The following TLN2 variants were observed in gnomAD, a reference collection of about 807,000 sequenced individuals.
TLN2 encodes talin 2.
TLN2 carries 118 observed loss-of-function variants against 294.7 expected under a neutral mutation model. The observed-to-expected ratio is 0.40, with a 90% CI of 0.34 to 0.47. The LOEUF (loss-of-function observed/expected upper bound fraction) is 0.47. Ranked by LOEUF, TLN2 falls within the 20% of genes least tolerant of loss-of-function variation. The probability of loss-of-function intolerance (pLI) is 0.84; values close to 1 mark genes in which losing one functional copy is unlikely to be tolerated. For synonymous variants in TLN2, 1,431 were observed against 1,304.5 expected, an observed-to-expected ratio of 1.10 and a Z score of -2.09; for missense variants, 3,083 against 3,282.2, an observed-to-expected ratio of 0.94 and a Z score of 1.48.
At chr15:62,486,777 C>T (rs1372013090) in intron 1 of TLN2, among the ~76,000 whole-genome samples, 1 of 148,130 alleles carries the variant, frequency 6.8e-6, no homozygotes, top group African/African-American at 2.5e-5. Context: ...TTAAAGAGGG[C>T]ATTGTCTTCT....
chr15:62,703,996 G>C (rs779512010), intron 19 of TLN2, among the ~76,000 whole-genome samples: 4 of 152,178 alleles, frequency 2.6e-5, no homozygotes, highest in Non-Finnish European at 5.9e-5. Flanking sequence ...AATTTTGCAA[G>C]TAATATATAA....
At chr15:62,429,997 A>C (rs1239294695) in intron 1 of TLN2, among the ~76,000 whole-genome samples, 3 of 152,220 alleles carry the variant, frequency 2.0e-5, no homozygotes, top group South Asian at 2.1e-4. Flanking sequence ...GATAAGAAAA[A>C]AGGTTTTGAT....
intron 4 of TLN2, 22 bp from the exon 5 acceptor site, chr15:62,650,062 T>A: frequency 6.2e-7 from 1 of 1,613,324 alleles, no homozygotes; most frequent in Non-Finnish European, 8.5e-7. Context: ...GCCTTCTGTT[T>A]TTCTTCCCAT....
At chr15:62,640,790 T>G (rs1220886274) in intron 3 of TLN2, among the ~76,000 whole-genome samples, 1 of 152,156 alleles carries the variant, frequency 6.6e-6, no homozygotes, top group East Asian at 1.9e-4. Context: ...TATGTTTATT[T>G]ATTTTTAACT....
intron 1 of TLN2, among the ~76,000 whole-genome samples, chr15:62,425,907 CT>C (rs1456013752): frequency 6.6e-6 from 1 of 152,184 alleles, no homozygotes; most frequent in Non-Finnish European, 1.5e-5. Flanking sequence ...TGTTGAGAGC[CT>C]TCAGCCCAGA....
At position 62,653,286 on chromosome 15, in the gene TLN2, G is replaced by A; in HGVS notation, c.489G>A (p.Leu163=). The change falls in exon 7 of 59, where the codon TTG becomes TTA. Residue 163 remains leucine (L), a synonymous_variant. Coordinates refer to ENST00000636159, the MANE Select transcript of TLN2 (RefSeq NM_015059.3). The part of the protein sequence containing the change: ...LLRDERKMEK[L]KAKLHTDDDL... ...GAGATGAGAGGAAAATGGAGAAGTT[G>A]AAGGCCAAGCTGCACACAGATGATG... 6.2e-7 allele frequency: 1 copy of A among 1,613,776 alleles called. No homozygotes were observed. The highest frequency in any genetic ancestry group is 8.5e-7 in the Non-Finnish European group (1 of 1,179,926).
intron 3 of TLN2, among the ~76,000 whole-genome samples, chr15:62,621,916 GA>G (rs1214024534): frequency 2.0e-5 from 3 of 152,164 alleles, no homozygotes; most frequent in African/African-American, 7.2e-5. Flanking sequence ...AGGACCTCAG[GA>G]CATAAAACCA....
intron 1 of TLN2, among the ~76,000 whole-genome samples, chr15:62,467,584 C>T (rs1420324932): frequency 2.0e-5 from 3 of 152,028 alleles, no homozygotes; most frequent in African/African-American, 4.8e-5. Flanking sequence ...CCCAGCTACT[C>T]GAGAGACTGA....
chr15:62,781,027 C>T lies in TLN2; in HGVS notation c.5515-113C>T, dbSNP rs549818194. ...GTTGGGTAATTGAGTTGACACTGGG[C>T]GAAAGAATCTCTGAGGCCCTCTCTG... On this transcript the variant is annotated intron_variant, in intron 43 of 58. Transcript: ENST00000636159. 240 of 753,630 alleles carry T rather than the reference C, an allele frequency of 3.2e-4. 1 individual carries two copies. In the South Asian group the frequency reaches 4.1e-3, roughly 13 times the overall value. The allele number at this position is 753,630 out of a possible 1,614,324, so 46.7% of individuals were successfully genotyped here.
chr15:62,659,109 A>T (rs2053549913), intron 9 of TLN2, among the ~76,000 whole-genome samples: 1 of 152,184 alleles, frequency 6.6e-6, no homozygotes, highest in Admixed American at 6.5e-5. Flanking sequence ...TCCTATATTG[A>T]TGATGATGCC....
At chr15:62,512,344 GCTCT>G (rs774499357) in intron 1 of TLN2, among the ~76,000 whole-genome samples, 9 of 152,024 alleles carry the variant, frequency 5.9e-5, no homozygotes, top group Non-Finnish European at 1.0e-4. Context: ...TCAGAAATCT[GCTCT>G]CTCTTAGTGG....
At chr15:62,614,625 C>A (rs1443564501) in intron 2 of TLN2, among the ~76,000 whole-genome samples, 1 of 152,076 alleles carries the variant, frequency 6.6e-6, no homozygotes, top group Non-Finnish European at 1.5e-5. Flanking sequence ...CATGAATAGA[C>A]TTATAATTAG....
At chr15:62,686,867 C>A in intron 12 of TLN2, 71 bp downstream of exon 12, 1 of 1,567,748 alleles carries the variant, frequency 6.4e-7, no homozygotes, top group Non-Finnish European at 8.6e-7. Context: ...AGGAGAAAGA[C>A]CAGATTCTTG....
At chr15:62,582,246 A>ACACACACACACACACACACACAC (rs764248336) in intron 1 of TLN2, among the ~76,000 whole-genome samples, 1 of 137,240 alleles carries the variant, frequency 7.3e-6, no homozygotes, top group Non-Finnish European at 1.6e-5. Flanking sequence ...ACACACACAC[A>ACACACACACACACACACACACAC]CATTCATGCC....
intron 11 of TLN2, among the ~76,000 whole-genome samples, chr15:62,679,081 G>A (rs2056544943): frequency 2.1e-5 from 3 of 144,976 alleles, no homozygotes. Flanking sequence ...AGATTCACAA[G>A]AAGCTGTAAA....
At chr15:62,733,682 T>C (rs1487688912) in intron 28 of TLN2, among the ~76,000 whole-genome samples, 1 of 152,246 alleles carries the variant, frequency 6.6e-6, no homozygotes, top group African/African-American at 2.4e-5. Flanking sequence ...TTATGTAGAA[T>C]GCTACTATAT....
At chr15:62,572,566 T>C (rs191644070) in intron 1 of TLN2, among the ~76,000 whole-genome samples, 222 of 152,328 alleles carry the variant, frequency 1.5e-3, no homozygotes, top group African/African-American at 4.9e-3. Context: ...ACTCTCCAGA[T>C]CTACTCTCTG....
chr15:62,528,514 C>T (rs1296160377), intron 1 of TLN2, among the ~76,000 whole-genome samples: 1 of 152,134 alleles, frequency 6.6e-6, no homozygotes. Flanking sequence ...ACACCAGTGG[C>T]ATGGTCCTGA....
At chr15:62,702,267 G>T in intron 18 of TLN2, 67 bp downstream of exon 18, 1 of 1,489,680 alleles carries the variant, frequency 6.7e-7, no homozygotes, top group South Asian at 1.3e-5. Context: ...GGGGACCATG[G>T]GGCTCTTGCT....
Sources: allele counts gnomAD v4.1 joint callset (sites outside exome capture counted in the v4.1 genomes callset), GRCh38; gene constraint gnomAD v4.1.1; transcripts MANE v1.5; gene names NCBI Gene and HGNC (gene_info 2026-07-23, HGNC 2026-07-21).